Variants in TNKS observed in about 807,000 individuals in gnomAD.
TNKS encodes the protein tankyrase.
TNKS carries 72 observed loss-of-function variants against 135.8 expected under a neutral mutation model. That is an observed-to-expected ratio of 0.53 (90% CI 0.44 to 0.64). The LOEUF (loss-of-function observed/expected upper bound fraction) is 0.64, where lower values mean the gene tolerates loss of function less well. Among genes scored for constraint, TNKS ranks in the 30% least tolerant of loss-of-function variants. TNKS has a pLI of 0.00. For synonymous variants in TNKS, 849 were observed against 649.3 expected (o/e 1.31, Z -4.68); for missense variants, 1,769 against 1,674.0 (o/e 1.06, Z -0.99).
At chr8:9,604,373 A>G (rs10112821) in intron 2 of TNKS, among the ~76,000 whole-genome samples, 43,808 of 152,008 alleles carry the variant, frequency 0.29, 6,619 homozygotes, top group East Asian at 0.39. Context: ...CCAAACTTCA[A>G]TCTATTCCAA....
chr8:9,772,514 G>A (rs1266984412), intron 26 of TNKS: 7 of 431,742 alleles, frequency 1.6e-5, no homozygotes, highest in Non-Finnish European at 3.2e-5. Context: ...AAGAAAGGCT[G>A]TGCTAACTTT....
chr8:9,574,908 G>C lies in TNKS; in HGVS notation c.674-5251G>C, dbSNP rs779950800. 12 of 396,036 alleles carry C rather than the reference G, an allele frequency of 3.0e-5. 1 individual carries two copies. Among genetic ancestry groups the C allele is most frequent in the South Asian group, 1.0e-4 (1 of 9,594 alleles). The allele number at this position is 396,036 out of a possible 1,614,324, so 24.5% of individuals were successfully genotyped here. ...TTACTCACTCTCCCTTCTTGTCTGAGAACCTAGATATGAGGCTTAGAAATA... is the reference window on the plus strand; with the variant it reads ...TTACTCACTCTCCCTTCTTGTCTGACAACCTAGATATGAGGCTTAGAAATA... On this transcript the variant is annotated intron_variant, in intron 1 of 26. Transcript: ENST00000310430.
At chr8:9,628,350 T>C (rs1268230374) in intron 3 of TNKS, among the ~76,000 whole-genome samples, 1 of 152,174 alleles carries the variant, frequency 6.6e-6, no homozygotes, top group Non-Finnish European at 1.5e-5. Flanking sequence ...GCCTTTTTGC[T>C]GTTGTTATTG....
At chr8:9,719,208 G>C (rs758647560) in intron 11 of TNKS, among the ~76,000 whole-genome samples, 4 of 152,168 alleles carry the variant, frequency 2.6e-5, no homozygotes, top group Non-Finnish European at 5.9e-5. Flanking sequence ...GAATTTGTAT[G>C]AACCCTTTCC....
At chr8:9,643,262 G>T (rs1800787552) in intron 3 of TNKS, among the ~76,000 whole-genome samples, 2 of 146,008 alleles carry the variant, frequency 1.4e-5, no homozygotes, top group Non-Finnish European at 3.0e-5. Flanking sequence ...ATAAAGAAAA[G>T]AAGTTTATTT....
intron 4 of TNKS, 93 bp from the exon 5 acceptor site, chr8:9,680,632 A>C: frequency 1.3e-6 from 1 of 795,832 alleles, no homozygotes; most frequent in East Asian, 2.5e-5. Context: ...ATCAAAGCAA[A>C]CCCATATTTT....
At chr8:9,685,774 C>T (rs73529141) in intron 5 of TNKS, among the ~76,000 whole-genome samples, 4 of 152,042 alleles carry the variant, frequency 2.6e-5, no homozygotes, top group Non-Finnish European at 4.4e-5. Context: ...TTTTTAAACA[C>T]GTGTTGATTA....
At chr8:9,728,671 T>C (rs559640185) in intron 13 of TNKS, among the ~76,000 whole-genome samples, 3 of 152,238 alleles carry the variant, frequency 2.0e-5, no homozygotes, top group African/African-American at 7.2e-5. Context: ...TATTCATTTT[T>C]TATTTAATTT....
intron 3 of TNKS, among the ~76,000 whole-genome samples, chr8:9,652,347 C>G (rs1403874325): frequency 6.6e-6 from 1 of 152,110 alleles, no homozygotes; most frequent in Non-Finnish European, 1.5e-5. Flanking sequence ...CATGATTTTT[C>G]TAATTATCTT....
At chr8:9,759,906 C>T (rs917118523) in intron 20 of TNKS, among the ~76,000 whole-genome samples, 3 of 151,396 alleles carry the variant, frequency 2.0e-5, no homozygotes, top group African/African-American at 4.9e-5. Context: ...ACCCAGGAGG[C>T]GGAGGTTGCA....
intron 3 of TNKS, among the ~76,000 whole-genome samples, chr8:9,669,364 G>GCCGAGATTGCGCCA (rs1802161262): frequency 6.7e-6 from 1 of 148,574 alleles, no homozygotes; most frequent in South Asian, 2.1e-4. Flanking sequence ...CTTGCAGTGA[G>GCCGAGATTGCGCCA]CCGAGATTGC....
At chr8:9,681,254 C>T (rs903140228) in intron 5 of TNKS, 1 of 152,950 alleles carries the variant, frequency 6.5e-6, no homozygotes, top group Non-Finnish European at 1.5e-5. Flanking sequence ...TTTTTTACAT[C>T]TATGTAACAG....
At chr8:9,673,383 T>TTTTTTTTTTTTTTTTTTTTTTTGA in intron 3 of TNKS, among the ~76,000 whole-genome samples, 1 of 151,944 alleles carries the variant, frequency 6.6e-6, no homozygotes, top group East Asian at 1.9e-4. Context: ...CATAAAATTA[T>TTTTTTTTTTTTTTTTTTTTTTTGA]GACATAAAAA....
intron 3 of TNKS, among the ~76,000 whole-genome samples, chr8:9,651,043 A>C (rs542012486): frequency 1.9e-4 from 2 of 10,638 alleles, no homozygotes; most frequent in African/African-American, 2.4e-4. Context: ...TGCCTTGCCA[A>C]TTATACCAAC....
At chr8:9,704,634 C>T in intron 5 of TNKS, 29 bp from the exon 6 acceptor site, 1 of 1,564,436 alleles carries the variant, frequency 6.4e-7, no homozygotes, top group Non-Finnish European at 8.8e-7. Flanking sequence ...TTTGTTTTTA[C>T]CTGAAAAGGG....
chr8:9,676,617 T>G (rs779804223), intron 3 of TNKS, among the ~76,000 whole-genome samples: 2 of 152,176 alleles, frequency 1.3e-5, no homozygotes, highest in African/African-American at 2.4e-5. Flanking sequence ...AAGAGCTTTA[T>G]TTTTCAGCTT....
chr8:9,570,297 G>C (rs1479479008), intron 1 of TNKS, among the ~76,000 whole-genome samples: 1 of 152,136 alleles, frequency 6.6e-6, no homozygotes, highest in African/African-American at 2.4e-5. Context: ...TAAAAAGCTA[G>C]CCAGATGTTG....
intron 2 of TNKS, among the ~76,000 whole-genome samples, chr8:9,587,776 G>A (rs982208057): frequency 6.6e-6 from 1 of 152,164 alleles, no homozygotes; most frequent in African/African-American, 2.4e-5. Context: ...TAAGTTTGTT[G>A]TTGTTATTGT....
chr8:9,768,148 G>C (rs796133916), intron 25 of TNKS, among the ~76,000 whole-genome samples: 1 of 151,980 alleles, frequency 6.6e-6, no homozygotes, highest in Non-Finnish European at 1.5e-5. Context: ...AGACACACAA[G>C]TTTAAGTCTT....
Sources: allele counts gnomAD v4.1 joint callset (sites outside exome capture counted in the v4.1 genomes callset), GRCh38; gene constraint gnomAD v4.1.1; transcripts MANE v1.5; gene names NCBI Gene and HGNC (gene_info 2026-07-23, HGNC 2026-07-21).